The following POT1 variants were observed in gnomAD, a reference collection of about 807,000 sequenced individuals.
POT1 encodes protection of telomeres protein 1.
In POT1, 47 loss-of-function variants were observed where a neutral mutation model predicts 78.5. The observed-to-expected ratio is 0.60, with a 90% CI of 0.47 to 0.76. The LOEUF is 0.76. POT1 is among the 30% of genes least tolerant of loss of function. POT1 has a pLI of 0.00. For missense variants in POT1, 646 were observed against 749.9 expected, an observed-to-expected ratio of 0.86 and a Z score of 1.62; for synonymous variants, 259 against 260.7, an observed-to-expected ratio of 0.99 and a Z score of 0.06.
intron 18 of POT1, 146 bp downstream of exon 18, chr7:124,825,106 A>C: frequency 2.3e-6 from 1 of 433,562 alleles, no homozygotes; most frequent in Middle Eastern, 3.7e-4. Flanking sequence ...TCTCTTCATC[A>C]AAGGTTGATC....
intron 16 of POT1, among the ~76,000 whole-genome samples, chr7:124,827,509 T>C (rs1034260611): frequency 1.6e-4 from 25 of 152,180 alleles, no homozygotes; most frequent in East Asian, 1.3e-3. Flanking sequence ...TGCTGAGGGA[T>C]TGCCTGCTTG....
In POT1 at chr7:124,858,983, G is replaced by T. The variant is rs1225635203; in HGVS notation, c.676C>A (p.His226Asn). 1 of 1,610,494 alleles carries T rather than the reference G, an allele frequency of 6.2e-7. No homozygotes were observed. Among genetic ancestry groups the T allele is most frequent in the Non-Finnish European group, 8.5e-7 (1 of 1,177,492 alleles). The change falls in exon 9 of 19, where the codon CAT (histidine) becomes AAT (asparagine). Residue 226 changes from histidine to asparagine, a missense_variant. His to Asn is a moderately conservative substitution (Grantham distance 68). Around this residue, in one of 2 missense-constraint regions of POT1, gnomAD observed 252 missense variants for 341.4 expected, o/e 0.74. Coordinates refer to ENST00000357628, the MANE Select transcript of POT1 (RefSeq NM_015450.3). The stretch of plus-strand genomic sequence containing the variant: ...TTCAGAGATCTTGCCACATGAACAT[G>T]GTTATCGTAGACTAAAATGTCTATT... Reference protein sequence around the residue: ...LTIDILVYDNHVHVARSLKVG... With the variant: ...LTIDILVYDNNVHVARSLKVG...
chr7:124,927,348 T>C (rs1797298753), intron 2 of POT1, among the ~76,000 whole-genome samples: 2 of 152,214 alleles, frequency 1.3e-5, no homozygotes, highest in African/African-American at 2.4e-5. Context: ...TGCAAATCAC[T>C]GCTCAGCCAC....
intron 7 of POT1, among the ~76,000 whole-genome samples, chr7:124,868,098 A>T (rs888062593): frequency 3.0e-4 from 46 of 152,076 alleles, no homozygotes; most frequent in Non-Finnish European, 4.4e-5. Context: ...TCTTGTTTTA[A>T]TGTATATTTT....
intron 9 of POT1, among the ~76,000 whole-genome samples, chr7:124,856,895 T>C (rs1382817269): frequency 6.6e-6 from 1 of 152,170 alleles, no homozygotes; most frequent in East Asian, 1.9e-4. Flanking sequence ...CAAAAATATA[T>C]CTTCAACAGT....
rs1489756925 is a variant in POT1 at position 124,908,841 on chromosome 7, TTAAAA to T, written c.-154+6728_-154+6732del. On this transcript the variant is annotated intron_variant, in intron 3 of 18. Transcript: ENST00000357628. The stretch of plus-strand genomic sequence containing the variant: ...TATAGATAGTATACCTTCACGAATC[TTAAAA>T]TAAAATAAACTGTACAACTGCTACA... Among the ~76,000 whole-genome samples, 7 of 151,936 alleles carry T rather than the reference TTAAAA, an allele frequency of 4.6e-5. No individual in the cohort carries two copies. The South Asian group carries it at 8.3e-4, about 18-fold the overall frequency.
chr7:124,839,975 T>C (rs898379155), intron 14 of POT1, among the ~76,000 whole-genome samples: 3 of 150,916 alleles, frequency 2.0e-5, no homozygotes, highest in Non-Finnish European at 3.0e-5. Flanking sequence ...TTGTACATTC[T>C]ATGTTTTCTT....
At chr7:124,900,747 G>A (rs1796598343) in intron 3 of POT1, 1 of 264,498 alleles carries the variant, frequency 3.8e-6, no homozygotes, top group Non-Finnish European at 8.3e-6. Flanking sequence ...CCCTTTCCTA[G>A]CCAAGGGAAG....
At chr7:124,891,372 A>G (rs1796367448) in intron 6 of POT1, among the ~76,000 whole-genome samples, 1 of 151,382 alleles carries the variant, frequency 6.6e-6, no homozygotes, top group African/African-American at 2.4e-5. Context: ...ATCTTTCTCC[A>G]TTCCTTCACT....
chr7:124,880,712 T>A (rs1303973528), intron 6 of POT1, among the ~76,000 whole-genome samples: 3 of 152,000 alleles, frequency 2.0e-5, no homozygotes, highest in Admixed American at 6.6e-5. Context: ...AGACCCACTA[T>A]CGAGATCTTT....
At chr7:124,844,761 T>C (rs1230615419) in intron 12 of POT1, among the ~76,000 whole-genome samples, 1 of 147,646 alleles carries the variant, frequency 6.8e-6, no homozygotes, top group East Asian at 2.0e-4. Context: ...AAAAAGGCCA[T>C]TGGCAGACCT....
At chr7:124,876,640 A>G (rs1413845487) in intron 6 of POT1, among the ~76,000 whole-genome samples, 1 of 151,724 alleles carries the variant, frequency 6.6e-6, no homozygotes, top group African/African-American at 2.4e-5. Context: ...GAACATATGT[A>G]CCATTACTGA....
intron 2 of POT1, among the ~76,000 whole-genome samples, chr7:124,925,163 GT>G (rs1797244601): frequency 6.6e-6 from 1 of 152,040 alleles, no homozygotes; most frequent in Non-Finnish European, 1.5e-5. Context: ...TGGGAAAGAA[GT>G]AGCAAATTAT....
chr7:124,855,190 C>T (rs1795414367), intron 9 of POT1, among the ~76,000 whole-genome samples: 1 of 106,894 alleles, frequency 9.4e-6, no homozygotes, highest in Non-Finnish European at 1.8e-5. Context: ...TACGTACAAA[C>T]CTACATATGG....
At chr7:124,831,235 T>C (rs1350318154) in intron 15 of POT1, among the ~76,000 whole-genome samples, 1 of 152,196 alleles carries the variant, frequency 6.6e-6, no homozygotes, top group Non-Finnish European at 1.5e-5. Flanking sequence ...GATGGGACCA[T>C]ATATTGTTAA....
intron 5 of POT1, among the ~76,000 whole-genome samples, chr7:124,896,019 T>A (rs1298192138): frequency 6.6e-6 from 1 of 151,332 alleles, no homozygotes; most frequent in Non-Finnish European, 1.5e-5. Flanking sequence ...CTCTATTTTC[T>A]AAATTCTAAA....
chr7:124,906,730 A>G (rs1015749906), intron 3 of POT1, among the ~76,000 whole-genome samples: 9 of 152,156 alleles, frequency 5.9e-5, no homozygotes, highest in Non-Finnish European at 1.2e-4. Context: ...AGTGTTCAAC[A>G]AATATCTGGT....
intron 6 of POT1, 136 bp from the exon 7 acceptor site, chr7:124,871,177 A>T: frequency 1.5e-6 from 1 of 658,280 alleles, no homozygotes; most frequent in Middle Eastern, 4.9e-4. Context: ...AAACAGAGAC[A>T]TTTTCTTGGC....
In POT1 at chr7:124,897,733, T is replaced by C. The variant is rs536246695; in HGVS notation, c.-39-521A>G. ...CCACCACCAGTGCTTATAGTACCTT[T>C]GTGCATACTAGAAAAAAAAAGGCAG... On this transcript the variant is annotated intron_variant, in intron 4 of 18. Transcript: ENST00000357628. Among the ~76,000 whole-genome samples, 9 of 151,964 alleles carry C rather than the reference T, an allele frequency of 5.9e-5. No homozygotes were observed. The South Asian group carries it at 1.2e-3, about 21-fold the overall frequency.
Sources: gnomAD v4.1 joint callset for allele counts (sites outside exome capture counted in the v4.1 genomes callset) on GRCh38, gnomAD v4.1.1 for gene constraint, gnomAD v4.1.1 regional missense constraint, MANE v1.5 for transcripts, NCBI Gene and HGNC (gene_info 2026-07-23, HGNC 2026-07-21) for gene names.